Variants in MYT1L observed in about 807,000 individuals in gnomAD.
MYT1L encodes the protein myelin transcription factor 1 like.
Under a neutral mutation model 126.7 loss-of-function variants are expected in MYT1L, and 12 were observed. That is an observed-to-expected ratio of 0.09 (90% CI 0.06 to 0.15). The LOEUF is 0.15. Among genes scored for constraint, MYT1L ranks in the 10% least tolerant of loss-of-function variants. The pLI, the probability that MYT1L is intolerant of heterozygous loss-of-function variation, is 1.00. For synonymous variants in MYT1L, 541 were observed against 604.2 expected, an observed-to-expected ratio of 0.90 and a Z score of 1.53; for missense variants, 979 against 1,585.2, an observed-to-expected ratio of 0.62 and a Z score of 6.49.
chr2:2,039,255 T>C (rs1267767546), intron 4 of MYT1L, among the ~76,000 whole-genome samples: 2 of 152,134 alleles, frequency 1.3e-5, no homozygotes, highest in African/African-American at 2.4e-5. Flanking sequence ...ATTCTACCTA[T>C]GTCTAGGCAT....
chr2:1,982,537 T>G (rs967951193), intron 5 of MYT1L, among the ~76,000 whole-genome samples: 1 of 152,204 alleles, frequency 6.6e-6, no homozygotes, highest in Admixed American at 6.5e-5. Context: ...GAACTCATAT[T>G]TGGGCTGAAT....
At chr2:1,795,866 C>T (rs145075378) in intron 23 of MYT1L, 3 of 152,220 alleles carry the variant, frequency 2.0e-5, no homozygotes, top group African/African-American at 7.2e-5. Context: ...GGCCCAAACC[C>T]GCATTTTTAC....
chr2:1,962,059 G>T (rs2059002916), intron 8 of MYT1L, among the ~76,000 whole-genome samples: 1 of 152,182 alleles, frequency 6.6e-6, no homozygotes, highest in Admixed American at 6.5e-5. Context: ...ATTATCACAT[G>T]TACTATGAAA....
intron 3 of MYT1L, among the ~76,000 whole-genome samples, chr2:2,080,354 A>T (rs2075687747): frequency 6.6e-6 from 1 of 152,218 alleles, no homozygotes; most frequent in Non-Finnish European, 1.5e-5. Context: ...TAAAAAGTTG[A>T]TCTGACAAAG....
chr2:2,090,385 C>G (rs2076794028), intron 3 of MYT1L, among the ~76,000 whole-genome samples: 1 of 152,160 alleles, frequency 6.6e-6, no homozygotes, highest in African/African-American at 2.4e-5. Flanking sequence ...TTACACTATA[C>G]TGTAGTCTAT....
intron 23 of MYT1L, among the ~76,000 whole-genome samples, chr2:1,799,000 G>C (rs1347548302): frequency 1.3e-5 from 2 of 152,306 alleles, no homozygotes; most frequent in African/African-American, 4.8e-5. Context: ...CAGGCCTGGT[G>C]CTCACAGAAC....
At chr2:2,145,913 T>C (rs1012543341) in intron 3 of MYT1L, among the ~76,000 whole-genome samples, 14 of 152,200 alleles carry the variant, frequency 9.2e-5, no homozygotes, top group Admixed American at 7.2e-4. Context: ...AATGATGTAA[T>C]GTTCAGAGGA....
At position 1,979,765 on chromosome 2, in the gene MYT1L, T is replaced by C. The variant is rs753540351; in HGVS notation, c.13A>G (p.Thr5Ala). MEVDTEEKRHRTRSK... is the reference protein window; with the variant it reads MEVDAEEKRHRTRSK... ...CGCGTGCGATGCCGCTTCTCCTCGGTGTCCACCTCCATCTGGGGATAGATT... is the reference window on the plus strand; with the variant it reads ...CGCGTGCGATGCCGCTTCTCCTCGGCGTCCACCTCCATCTGGGGATAGATT... The change falls in exon 6 of 25, where the codon ACC (threonine) becomes GCC (alanine). Residue 5 changes from threonine (T) to alanine (A), a missense_variant. Thr to Ala is a moderately conservative substitution (Grantham distance 58, BLOSUM62 0). Around this residue, in one of 12 missense-constraint regions of MYT1L, gnomAD observed 50 missense variants for 48.6 expected, o/e 1.03. Coordinates refer to ENST00000647738, the MANE Select transcript of MYT1L (RefSeq NM_001303052.2). The surrounding 1 kb of genome is among the most constrained non-coding windows in gnomAD (Gnocchi z 4.0). 14 of 1,613,858 alleles carry C rather than the reference T, an allele frequency of 8.7e-6. No homozygotes were observed. The East Asian group carries it at 1.8e-4, about 21-fold the overall frequency.
intron 19 of MYT1L, chr2:1,842,074 T>G (rs1168212042): frequency 6.6e-6 from 1 of 152,212 alleles, no homozygotes; most frequent in Non-Finnish European, 1.5e-5. Context: ...GCCATGCTAT[T>G]GGGTCTTGTG....
rs1248472685 is a variant in MYT1L at position 1,848,427 on chromosome 2, G to C, written c.2774+3214C>G. 2.0e-5 allele frequency among the ~76,000 whole-genome samples: 3 copies of C among 152,142 alleles called. No individual in the cohort carries two copies. The highest frequency in any genetic ancestry group is 4.4e-5 in the Non-Finnish European group (3 of 68,034). ...CGGATCTGTGCTCTGAACAGGTTCA[G>C]GATCATTGTTTGGTGACTTCCCCTC... On this transcript the variant is annotated intron_variant, in intron 19 of 24. Coordinates refer to ENST00000647738, the MANE Select transcript of MYT1L (RefSeq NM_001303052.2). This position sits in a 1 kb window ranked among gnomAD's most constrained non-coding sequence, Gnocchi z 4.8.
At chr2:2,232,346 G>A (rs1348193051) in intron 2 of MYT1L, among the ~76,000 whole-genome samples, 2 of 152,230 alleles carry the variant, frequency 1.3e-5, no homozygotes. Context: ...AAGAACTCAA[G>A]TGTGCCAACT....
At chr2:2,169,916 A>C (rs956697708) in intron 3 of MYT1L, among the ~76,000 whole-genome samples, 1 of 152,204 alleles carries the variant, frequency 6.6e-6, no homozygotes, top group South Asian at 2.1e-4. Flanking sequence ...CACAGTTTTC[A>C]GGATGATATT....
At chr2:1,878,323 G>C (rs1573140851) in intron 18 of MYT1L, among the ~76,000 whole-genome samples, 4 of 152,244 alleles carry the variant, frequency 2.6e-5, no homozygotes, top group Admixed American at 2.6e-4. Flanking sequence ...AAAGATACCA[G>C]TATATTAATA....
rs1355477140 is a variant in MYT1L, at chr2:2,138,286, C to T, written c.-304+34586G>A. 5.5e-3 allele frequency among the ~76,000 whole-genome samples: 817 copies of T among 149,670 alleles called. 10 individuals are homozygous for T. Among genetic ancestry groups the T allele is most frequent in the African/African-American group, 0.019 (785 of 40,490 alleles). On this transcript the variant is annotated intron_variant, in intron 3 of 24. Transcript: ENST00000647738. Reference sequence around the variant, plus strand: ...TCAACCATTGTGGAAGTCAGTGTGGCGATTCCTCAGGGATCTAGAACTAGA... The same window carrying T: ...TCAACCATTGTGGAAGTCAGTGTGGTGATTCCTCAGGGATCTAGAACTAGA...
At chr2:2,123,572 C>A (rs2081316562) in intron 3 of MYT1L, among the ~76,000 whole-genome samples, 1 of 152,184 alleles carries the variant, frequency 6.6e-6, no homozygotes. Flanking sequence ...CCTTTTCTCT[C>A]TTCCTCCTGC....
Position 2,236,757 on chromosome 2 carries a change from T to TTTCTTCTTCTTCTTCTTCTTC in MYT1L, c.-421+47626_-421+47646dup, listed in dbSNP as rs760901038. On this transcript the variant is annotated intron_variant, in intron 2 of 24. Transcript: ENST00000647738. The stretch of plus-strand genomic sequence containing the variant: ...ACTGGTGAAGACTCATTGGTTGTCC[T>TTTCTTCTTCTTCTTCTTCTTC]TTCTTCTTCTTCTTCTTCTTCTTCT... Among the ~76,000 whole-genome samples, 23 of 132,618 alleles carry TTTCTTCTTCTTCTTCTTCTTC rather than the reference T, an allele frequency of 1.7e-4. No individual in the cohort carries two copies. In the East Asian group the frequency reaches 1.8e-3, roughly 10 times the overall value. 87.0% of individuals were successfully genotyped at this position (132,618 alleles called of 152,430 possible).
intron 3 of MYT1L, among the ~76,000 whole-genome samples, chr2:2,062,996 C>T (rs1440506960): frequency 3.3e-5 from 5 of 152,184 alleles, no homozygotes; most frequent in African/African-American, 1.2e-4. Context: ...TTACACGATT[C>T]AGCCAATGGT....
intron 4 of MYT1L, among the ~76,000 whole-genome samples, chr2:1,997,642 T>C (rs907995129): frequency 2.0e-5 from 3 of 152,210 alleles, no homozygotes; most frequent in East Asian, 3.9e-4. Context: ...CTGCCTGATA[T>C]GGTTCCATGA....
intron 3 of MYT1L, among the ~76,000 whole-genome samples, chr2:2,129,216 GCA>G (rs908715462): frequency 2.6e-5 from 4 of 152,154 alleles, no homozygotes; most frequent in African/African-American, 4.8e-5. Flanking sequence ...ACATCCACAA[GCA>G]CAGTTTCACG....
Sources: gnomAD v4.1 joint callset for allele counts (sites outside exome capture counted in the v4.1 genomes callset) on GRCh38, gnomAD v4.1.1 for gene constraint, gnomAD v4.1.1 regional missense constraint, Gnocchi (gnomAD v3.1) non-coding constraint, MANE v1.5 for transcripts, NCBI Gene and HGNC (gene_info 2026-07-23, HGNC 2026-07-21) for gene names.